SPOCK1: variants seen among roughly 807,000 people sequenced by gnomAD.
The protein encoded by SPOCK1 is testican-1.
SPOCK1 carries 23 observed loss-of-function variants against 55.3 expected under a neutral mutation model. The observed-to-expected ratio is 0.42, with a 90% CI of 0.30 to 0.59. The LOEUF (loss-of-function observed/expected upper bound fraction) is 0.59. Ranked by LOEUF, SPOCK1 falls within the 20% of genes least tolerant of loss-of-function variation. SPOCK1 has a pLI of 0.22. For synonymous variants in SPOCK1, 226 were observed against 221.0 expected, an observed-to-expected ratio of 1.02 and a Z score of -0.20; for missense variants, 499 against 552.5, an observed-to-expected ratio of 0.90 and a Z score of 0.97.
At chr5:137,145,535 G>A (rs763172680) in intron 3 of SPOCK1, among the ~76,000 whole-genome samples, 1 of 152,140 alleles carries the variant, frequency 6.6e-6, no homozygotes. Flanking sequence ...TTTGTGGGGT[G>A]GCCCAAAGGG....
intron 5 of SPOCK1, among the ~76,000 whole-genome samples, chr5:137,073,908 A>G (rs560881935): frequency 1.6e-4 from 25 of 152,334 alleles, no homozygotes; most frequent in African/African-American, 6.0e-4. Context: ...TCAATAAAAC[A>G]AACGGCAGTC....
At chr5:137,070,378 G>A (rs1242663793) in intron 5 of SPOCK1, among the ~76,000 whole-genome samples, 1 of 152,188 alleles carries the variant, frequency 6.6e-6, no homozygotes, top group East Asian at 1.9e-4. Flanking sequence ...CTTCCTTCCT[G>A]CTAGACCATG....
intron 6 of SPOCK1, among the ~76,000 whole-genome samples, chr5:137,044,312 G>A (rs1752061888): frequency 6.6e-6 from 1 of 152,196 alleles, no homozygotes; most frequent in Admixed American, 6.5e-5. Flanking sequence ...AATTACCATA[G>A]CAGGGACTTC....
chr5:137,227,271 G>T (rs1560929), intron 3 of SPOCK1, among the ~76,000 whole-genome samples: 59,942 of 152,082 alleles, frequency 0.39, 12,890 homozygotes, highest in Non-Finnish European at 0.47. Flanking sequence ...TTCCAAGAAA[G>T]TGCCTCAACA....
chr5:137,086,564 G>T (rs6886879), intron 5 of SPOCK1, among the ~76,000 whole-genome samples: 115 of 152,296 alleles, frequency 7.6e-4, no homozygotes, highest in African/African-American at 2.7e-3. Context: ...TTCTCGGGAG[G>T]TGGCTGGCTG....
intron 3 of SPOCK1, among the ~76,000 whole-genome samples, chr5:137,148,294 T>C (rs773406552): frequency 1.3e-5 from 2 of 152,216 alleles, no homozygotes; most frequent in Admixed American, 1.3e-4. Context: ...CAAGACATTA[T>C]GAGCAACCAC....
At chr5:137,200,832 G>C (rs1338384847) in intron 3 of SPOCK1, among the ~76,000 whole-genome samples, 2 of 152,078 alleles carry the variant, frequency 1.3e-5, no homozygotes, top group African/African-American at 4.8e-5. Context: ...CTGAGGCTTT[G>C]AGTAGTTTAA....
At chr5:137,463,898 AGAT>A (rs1487047192) in intron 2 of SPOCK1, among the ~76,000 whole-genome samples, 1 of 152,166 alleles carries the variant, frequency 6.6e-6, no homozygotes, top group Non-Finnish European at 1.5e-5. Context: ...GAGCAAGCCA[AGAT>A]TACACCGCTG....
chr5:137,345,639 C>T (rs1188640062), intron 2 of SPOCK1, among the ~76,000 whole-genome samples: 1 of 152,174 alleles, frequency 6.6e-6, no homozygotes, highest in African/African-American at 2.4e-5. Flanking sequence ...AAAACTTTCC[C>T]AAAATGTGGT....
At chr5:137,473,127 C>G (rs1041402509) in intron 2 of SPOCK1, among the ~76,000 whole-genome samples, 1 of 152,174 alleles carries the variant, frequency 6.6e-6, no homozygotes, top group Non-Finnish European at 1.5e-5. Context: ...AGATATACGT[C>G]TCTGCAAACA....
intron 2 of SPOCK1, among the ~76,000 whole-genome samples, chr5:137,315,164 T>C (rs1178217907): frequency 6.6e-6 from 1 of 152,210 alleles, no homozygotes; most frequent in Admixed American, 6.5e-5. Context: ...AGTTTCACTG[T>C]CTTAGCTAAA....
intron 5 of SPOCK1, among the ~76,000 whole-genome samples, chr5:137,083,009 C>T (rs945320510): frequency 6.6e-6 from 1 of 152,172 alleles, no homozygotes; most frequent in Non-Finnish European, 1.5e-5. Flanking sequence ...GTGTTTCATA[C>T]AGCTAAGTGG....
chr5:137,193,665 C>A (rs1465909411), intron 3 of SPOCK1, among the ~76,000 whole-genome samples: 1 of 152,142 alleles, frequency 6.6e-6, no homozygotes, highest in African/African-American at 2.4e-5. Flanking sequence ...AGAGCTGAAG[C>A]CCCAAGTAAA....
At chr5:137,026,837 GGACTT>G (rs906945250) in intron 6 of SPOCK1, among the ~76,000 whole-genome samples, 11 of 152,166 alleles carry the variant, frequency 7.2e-5, no homozygotes, top group African/African-American at 2.7e-4. Context: ...ATGGCTTGGT[GGACTT>G]GTTCTAGGGT....
At chr5:137,052,543 T>C (rs1752225062) in intron 6 of SPOCK1, among the ~76,000 whole-genome samples, 1 of 152,156 alleles carries the variant, frequency 6.6e-6, no homozygotes, top group Non-Finnish European at 1.5e-5. Context: ...ATGCATCCTA[T>C]GAAAATAATT....
intron 3 of SPOCK1, among the ~76,000 whole-genome samples, chr5:137,143,368 C>T (rs369642241): frequency 1.1e-4 from 16 of 152,310 alleles, no homozygotes; most frequent in East Asian, 5.8e-4. Flanking sequence ...GTGGTCTCAA[C>T]GGACAGTGCA....
At chr5:137,343,095 T>C (rs1341735942) in intron 2 of SPOCK1, among the ~76,000 whole-genome samples, 1 of 152,194 alleles carries the variant, frequency 6.6e-6, no homozygotes. Context: ...AGGCCTTCAA[T>C]CAAGTGCAAG....
rs544674299 is a variant in SPOCK1, at chr5:137,129,489, G to C, written c.347+11091C>G. On this transcript the variant is annotated intron_variant, in intron 4 of 10. Coordinates refer to ENST00000394945, the MANE Select transcript of SPOCK1 (RefSeq NM_004598.4). ...AGCCTCCCTGAGAATTCAGAGGCTA[G>C]GGATTTTATGGATAATTGGGTGGTC... 2.4e-4 allele frequency among the ~76,000 whole-genome samples: 36 copies of C among 152,298 alleles called. No homozygotes were observed. In the South Asian group the frequency reaches 7.3e-3, roughly 31 times the overall value.
intron 2 of SPOCK1, among the ~76,000 whole-genome samples, chr5:137,343,318 C>T (rs753846790): frequency 1.3e-5 from 2 of 152,202 alleles, no homozygotes; most frequent in Admixed American, 1.3e-4. Context: ...TACTGAGGAC[C>T]CTCTTGTCTA....
Sources: gnomAD v4.1 joint callset for allele counts (sites outside exome capture counted in the v4.1 genomes callset) on GRCh38, gnomAD v4.1.1 for gene constraint, MANE v1.5 for transcripts, NCBI Gene and HGNC (gene_info 2026-07-23, HGNC 2026-07-21) for gene names.